CCDC85A: variants seen among roughly 807,000 people sequenced by gnomAD.
CCDC85A encodes coiled-coil domain containing 85A, also known as coiled-coil domain-containing protein 85A.
A neutral mutation model predicts 50.2 loss-of-function variants in CCDC85A; 38 were observed. The ratio of observed to expected loss-of-function variants is 0.76; its 90% CI spans 0.58 to 0.99. CCDC85A has a LOEUF of 0.99. CCDC85A is among the 50% of genes least tolerant of loss of function. The pLI, the probability that CCDC85A is intolerant of heterozygous loss-of-function variation, is 0.00. For synonymous variants in CCDC85A, 366 were observed against 301.4 expected, an observed-to-expected ratio of 1.21 and a Z score of -2.22; for missense variants, 820 against 742.0, an observed-to-expected ratio of 1.11 and a Z score of -1.22.
chr2:56,192,044 C>T lies in CCDC85A; in HGVS notation c.277-433C>T, dbSNP rs1265424712. 2.0e-5 allele frequency among the ~76,000 whole-genome samples: 3 copies of T among 152,108 alleles called. No individual in the cohort carries two copies. Among genetic ancestry groups the T allele is most frequent in the African/African-American group, 7.2e-5 (3 of 41,428 alleles). ...AACTGGTTGCTCCCTAACTACTGAC[C>T]AGATGAACTTGGACAAGTGAAGCTT... On this transcript the variant is annotated intron_variant, in intron 1 of 5. Transcript: ENST00000407595. This position sits in a 1 kb window ranked among gnomAD's most constrained non-coding sequence, Gnocchi z 4.7.
At chr2:56,358,821 G>A (rs1359276219) in intron 3 of CCDC85A, among the ~76,000 whole-genome samples, 3 of 147,960 alleles carry the variant, frequency 2.0e-5, no homozygotes, top group African/African-American at 7.5e-5. Flanking sequence ...TTTCACTCTT[G>A]TTACCCAGGT....
intron 2 of CCDC85A, among the ~76,000 whole-genome samples, chr2:56,194,084 A>C (rs1161511890): frequency 6.6e-6 from 1 of 152,170 alleles, no homozygotes; most frequent in Non-Finnish European, 1.5e-5. Context: ...TACTCACTCA[A>C]AATCCACCAA....
intron 2 of CCDC85A, among the ~76,000 whole-genome samples, chr2:56,258,651 A>G (rs1308476494): frequency 6.6e-6 from 1 of 152,236 alleles, no homozygotes; most frequent in Non-Finnish European, 1.5e-5. Flanking sequence ...TGTGGCAGGG[A>G]TAAAGTTTGC....
chr2:56,304,688 A>T (rs1672354128), intron 2 of CCDC85A, among the ~76,000 whole-genome samples: 1 of 152,154 alleles, frequency 6.6e-6, no homozygotes, highest in Non-Finnish European at 1.5e-5. Flanking sequence ...TGGGAGATAG[A>T]TTCTCAAATA....
At chr2:56,214,548 T>G (rs546686216) in intron 2 of CCDC85A, among the ~76,000 whole-genome samples, 3 of 151,906 alleles carry the variant, frequency 2.0e-5, no homozygotes, top group Non-Finnish European at 4.4e-5. Flanking sequence ...GTAAAAGATA[T>G]AAGGTCAGTA....
intron 2 of CCDC85A, among the ~76,000 whole-genome samples, chr2:56,253,563 A>G (rs1447569726): frequency 6.6e-6 from 1 of 152,178 alleles, no homozygotes; most frequent in Admixed American, 6.5e-5. Flanking sequence ...TTTGAAAGAG[A>G]TCACTCAGAG....
chr2:56,264,390 A>G (rs1233598939), intron 2 of CCDC85A, among the ~76,000 whole-genome samples: 2 of 152,120 alleles, frequency 1.3e-5, no homozygotes, highest in African/African-American at 4.8e-5. Context: ...TGGCAACACC[A>G]TCTTTTCTAC....
At chr2:56,322,915 C>T (rs1173964009) in intron 2 of CCDC85A, among the ~76,000 whole-genome samples, 1 of 152,082 alleles carries the variant, frequency 6.6e-6, no homozygotes, top group Non-Finnish European at 1.5e-5. Context: ...CAATGATAGA[C>T]TGGATTAAGG....
intron 2 of CCDC85A, among the ~76,000 whole-genome samples, chr2:56,212,110 CT>C (rs1171673668): frequency 6.6e-6 from 1 of 152,088 alleles, no homozygotes; most frequent in Non-Finnish European, 1.5e-5. Context: ...TCATAACTGG[CT>C]GCTTGCTTCT....
intron 2 of CCDC85A, among the ~76,000 whole-genome samples, chr2:56,211,673 C>G: frequency 6.6e-6 from 1 of 151,938 alleles, no homozygotes; most frequent in East Asian, 1.9e-4. Flanking sequence ...GCATGCTATC[C>G]CAGACTCTTC....
chr2:56,271,437 T>G (rs1039656301), intron 2 of CCDC85A, among the ~76,000 whole-genome samples: 1 of 152,030 alleles, frequency 6.6e-6, no homozygotes, highest in African/African-American at 2.4e-5. Flanking sequence ...TGGGGGACAT[T>G]GTGTGTGAGC....
At chr2:56,313,364 T>A (rs1672780432) in intron 2 of CCDC85A, among the ~76,000 whole-genome samples, 1 of 152,208 alleles carries the variant, frequency 6.6e-6, no homozygotes, top group African/African-American at 2.4e-5. Flanking sequence ...GTCCTTATAG[T>A]ACCTGGCACA....
Position 56,281,588 on chromosome 2 carries a change from T to C in CCDC85A, c.1241-61291T>C, listed in dbSNP as rs540672666. Among the ~76,000 whole-genome samples the C allele has an allele frequency of 9.8e-5, 15 of 152,298 alleles. No homozygotes were observed. The South Asian group carries it at 2.7e-3, about 27-fold the overall frequency. ...TTCCACATCCCTCATACACATTTGG[T>C]ATGGTAAGGCTTTTTTATTTTAGCC... On this transcript the variant is annotated intron_variant, in intron 2 of 5. Coordinates refer to ENST00000407595, the MANE Select transcript of CCDC85A (RefSeq NM_001080433.2).
intron 2 of CCDC85A, among the ~76,000 whole-genome samples, chr2:56,267,106 G>A (rs1403120937): frequency 6.6e-6 from 1 of 152,002 alleles, no homozygotes; most frequent in African/African-American, 2.4e-5. Flanking sequence ...ATGTTCTTGG[G>A]CTTGGTTTGT....
intron 2 of CCDC85A, among the ~76,000 whole-genome samples, chr2:56,328,238 A>C (rs986966300): frequency 6.6e-6 from 1 of 152,156 alleles, no homozygotes; most frequent in African/African-American, 2.4e-5. Flanking sequence ...GGTTGGATTT[A>C]GGAATAGAAC....
chr2:56,299,668 G>A (rs1330112590), intron 2 of CCDC85A, among the ~76,000 whole-genome samples: 2 of 152,076 alleles, frequency 1.3e-5, no homozygotes, highest in Non-Finnish European at 2.9e-5. Context: ...ACATTAGAAA[G>A]GGCTGTCATC....
chr2:56,373,308 C>T (rs888810316), intron 4 of CCDC85A, among the ~76,000 whole-genome samples: 11 of 151,622 alleles, frequency 7.3e-5, no homozygotes, highest in South Asian at 2.1e-4. Context: ...TGATGAATTT[C>T]CCCCCACTGT....
At chr2:56,212,179 C>T (rs1030090) in intron 2 of CCDC85A, among the ~76,000 whole-genome samples, 37,578 of 151,894 alleles carry the variant, frequency 0.25, 5,140 homozygotes, top group African/African-American at 0.32. Flanking sequence ...GCTGGTATTC[C>T]GTCATTTTCA....
At chr2:56,357,203 T>C (rs1219001454) in intron 3 of CCDC85A, among the ~76,000 whole-genome samples, 1 of 152,156 alleles carries the variant, frequency 6.6e-6, no homozygotes, top group East Asian at 1.9e-4. Context: ...AAACCAGTCA[T>C]ACTGAGCTGT....
Sources: gnomAD v4.1 joint callset for allele counts (sites outside exome capture counted in the v4.1 genomes callset) on GRCh38, gnomAD v4.1.1 for gene constraint, Gnocchi (gnomAD v3.1) non-coding constraint, MANE v1.5 for transcripts, NCBI Gene and HGNC (gene_info 2026-07-23, HGNC 2026-07-21) for gene names.